The following IPCEF1 variants were observed in gnomAD, a reference collection of about 807,000 sequenced individuals.
IPCEF1 encodes the protein interactor protein for cytohesin exchange factors 1.
Under a neutral mutation model 50.9 loss-of-function variants are expected in IPCEF1, and 31 were observed. That is an observed-to-expected ratio of 0.61 (90% CI 0.46 to 0.82). The LOEUF is 0.82. Ranked by LOEUF, IPCEF1 falls within the 40% of genes least tolerant of loss-of-function variation. IPCEF1 has a pLI of 0.00. For synonymous variants in IPCEF1, 181 were observed against 192.0 expected, an observed-to-expected ratio of 0.94 and a Z score of 0.47; for missense variants, 458 against 514.0, an observed-to-expected ratio of 0.89 and a Z score of 1.05.
At chr6:154,183,990 C>T (rs1801121713) in intron 10 of IPCEF1, among the ~76,000 whole-genome samples, 1 of 152,084 alleles carries the variant, frequency 6.6e-6, no homozygotes, top group Non-Finnish European at 1.5e-5. Context: ...AAGCAAATTT[C>T]AAGTACACAA....
intron 2 of IPCEF1, among the ~76,000 whole-genome samples, chr6:154,287,495 T>G (rs768786606): frequency 6.6e-6 from 1 of 152,222 alleles, no homozygotes; most frequent in Admixed American, 6.5e-5. Flanking sequence ...TGTCTCCATT[T>G]AACAGATGAG....
chr6:154,200,158 TA>T, intron 9 of IPCEF1, 118 bp from the exon 10 acceptor site: 1 of 892,914 alleles, frequency 1.1e-6, no homozygotes, highest in Non-Finnish European at 1.7e-6. Flanking sequence ...TGACCAATAA[TA>T]AAAGAGTCAA....
rs987234328 is a variant in IPCEF1 at position 154,214,276 on chromosome 6, C to A, written c.393G>T (p.Val131=). ...FAAENVQEMN[V]WLNKLGSAVI... Reference sequence around the variant, plus strand: ...CAGCCGATCCAAGTTTATTTAACCACCTAAAATTCAAATAGAAAGCAAATG... The same window carrying A: ...CAGCCGATCCAAGTTTATTTAACCAACTAAAATTCAAATAGAAAGCAAATG... Residue 131 remains valine (V), a splice_region_variant and synonymous_variant, in exon 8 of 12, where the codon GTG becomes GTT. Coordinates refer to ENST00000367220, the MANE Select transcript of IPCEF1 (RefSeq NM_001130700.2). 3 of 1,605,864 alleles carry A rather than the reference C, an allele frequency of 1.9e-6. No individual in the cohort carries two copies. The highest frequency in any genetic ancestry group is 3.3e-5 in the Admixed American group (2 of 59,988).
chr6:154,200,578 T>C (rs1449091728), intron 9 of IPCEF1, among the ~76,000 whole-genome samples: 1 of 151,842 alleles, frequency 6.6e-6, no homozygotes, highest in Non-Finnish European at 1.5e-5. Context: ...AAAATTAGCC[T>C]GGCTTGGTGG....
At chr6:154,200,750 G>T (rs1326922968) in intron 9 of IPCEF1, among the ~76,000 whole-genome samples, 3 of 152,116 alleles carry the variant, frequency 2.0e-5, no homozygotes, top group Non-Finnish European at 4.4e-5. Context: ...AAAAGCTGGA[G>T]CCATTCCAGA....
At chr6:154,251,725 T>C (rs1255545322) in intron 3 of IPCEF1, among the ~76,000 whole-genome samples, 1 of 152,162 alleles carries the variant, frequency 6.6e-6, no homozygotes, top group African/African-American at 2.4e-5. Context: ...GACTAGAGAT[T>C]GTGGCGAAGA....
At chr6:154,246,798 C>G (rs200867200) in intron 4 of IPCEF1, 38 bp from the exon 5 acceptor site, 2 of 1,599,570 alleles carry the variant, frequency 1.3e-6, no homozygotes, top group Non-Finnish European at 1.7e-6. Context: ...AATGTATTAC[C>G]CTGATTTGGT....
At chr6:154,225,125 T>G (rs1779152994) in intron 5 of IPCEF1, among the ~76,000 whole-genome samples, 1 of 152,214 alleles carries the variant, frequency 6.6e-6, no homozygotes, top group Admixed American at 6.5e-5. Context: ...GATATTTGCA[T>G]ATACAAACAA....
rs546683729 is a variant in IPCEF1 at position 154,275,019 on chromosome 6, C to A, written c.-17-9055G>T. ...ATTATTTATATAGGCAGGGGTCCTA[C>A]AATGCATATTTTCACCTACCCCTCA... On this transcript the variant is annotated intron_variant, in intron 2 of 11. Coordinates refer to ENST00000367220, the MANE Select transcript of IPCEF1 (RefSeq NM_001130700.2). 3.9e-5 allele frequency among the ~76,000 whole-genome samples: 6 copies of A among 152,274 alleles called. No homozygotes were observed. The South Asian group carries it at 1.0e-3, about 26-fold the overall frequency.
intron 11 of IPCEF1, among the ~76,000 whole-genome samples, chr6:154,166,893 T>C (rs1172128502): frequency 1.3e-5 from 2 of 152,218 alleles, no homozygotes; most frequent in Admixed American, 6.5e-5. Flanking sequence ...TCGATAAAAA[T>C]TTTAATATTA....
rs536455301 is a variant in IPCEF1, at chr6:154,273,902, C to CG, written c.-17-7939dup. Among the ~76,000 whole-genome samples, 75 of 150,924 alleles carry CG rather than the reference C, an allele frequency of 5.0e-4. 1 individual carries two copies. The East Asian group carries it at 0.013, about 27-fold the overall frequency. Reference sequence around the variant, plus strand: ...CAGAGTAGCTGGGACTGCAGGCGCCCGCCACCACACCCGGCTAATTTTTTG... The same window carrying CG: ...CAGAGTAGCTGGGACTGCAGGCGCCCGGCCACCACACCCGGCTAATTTTTTG... On this transcript the variant is annotated intron_variant, in intron 2 of 11. Transcript: ENST00000367220.
intron 1 of IPCEF1, among the ~76,000 whole-genome samples, chr6:154,335,298 C>A (rs138600632): frequency 6.6e-6 from 1 of 152,186 alleles, no homozygotes; most frequent in Admixed American, 6.5e-5. Context: ...TCTCTGTGCC[C>A]CATCTTGCCA....
Position 154,200,018 on chromosome 6 carries a change from G to A in IPCEF1, c.560C>T (p.Ser187Phe). 3 of 1,613,462 alleles carry A rather than the reference G, an allele frequency of 1.9e-6. No homozygotes were observed. The highest frequency in any genetic ancestry group is 2.5e-6 in the Non-Finnish European group (3 of 1,179,644). Residue 187 changes from serine to phenylalanine, a missense_variant, in exon 10 of 12, where the codon TCC becomes TTC. Ser to Phe is a radical substitution (Grantham distance 155). Transcript: ENST00000367220. The stretch of plus-strand genomic sequence containing the variant: ...CGACGTTCCACTCAGGCTGGGTGAG[G>A]ATGAAGATGCCTGCTGTGCAGTCTA... ...QSLTAQQASS[S>F]SPSLSGTSYS...
chr6:154,313,078 A>AAAAAAAAAAAAAAAC (rs1554223579), intron 1 of IPCEF1, among the ~76,000 whole-genome samples: 4 of 149,906 alleles, frequency 2.7e-5, no homozygotes, highest in African/African-American at 9.9e-5. Flanking sequence ...AAAAAAAAAA[A>AAAAAAAAAAAAAAAC]AAAAAAAACA....
intron 3 of IPCEF1, among the ~76,000 whole-genome samples, chr6:154,249,841 C>T (rs560670762): frequency 5.9e-5 from 9 of 151,908 alleles, no homozygotes; most frequent in South Asian, 4.2e-4. Flanking sequence ...GTCTACACCA[C>T]GTTCTTATGC....
intron 10 of IPCEF1, among the ~76,000 whole-genome samples, chr6:154,191,863 T>C (rs1205785264): frequency 6.6e-6 from 1 of 152,192 alleles, no homozygotes; most frequent in East Asian, 1.9e-4. Flanking sequence ...AACTCTGTAC[T>C]GTCTGCTCAA....
intron 1 of IPCEF1, among the ~76,000 whole-genome samples, chr6:154,347,632 A>G (rs1208885352): frequency 6.6e-6 from 1 of 152,186 alleles, no homozygotes; most frequent in Admixed American, 6.5e-5. Context: ...GCCATTAAAG[A>G]CTACTTTTTC....
At chr6:154,286,891 C>T (rs1351868028) in intron 2 of IPCEF1, among the ~76,000 whole-genome samples, 1 of 152,152 alleles carries the variant, frequency 6.6e-6, no homozygotes, top group African/African-American at 2.4e-5. Flanking sequence ...GTGTCCCCAC[C>T]CAAATCTCAT....
chr6:154,185,914 T>C (rs1348515127), intron 10 of IPCEF1, among the ~76,000 whole-genome samples: 1 of 152,236 alleles, frequency 6.6e-6, no homozygotes, highest in Non-Finnish European at 1.5e-5. Context: ...GCTAAAGCAT[T>C]TGGCTGATAC....
Sources: gnomAD v4.1 joint callset for allele counts (sites outside exome capture counted in the v4.1 genomes callset) on GRCh38, gnomAD v4.1.1 for gene constraint, MANE v1.5 for transcripts, NCBI Gene and HGNC (gene_info 2026-07-23, HGNC 2026-07-21) for gene names.